PLS1: variants seen among roughly 807,000 people sequenced by gnomAD.
The protein encoded by PLS1 is plastin 1, also known as plastin-1.
PLS1 carries 32 observed loss-of-function variants against 73.7 expected under a neutral mutation model. That is an observed-to-expected ratio of 0.43 (90% CI 0.33 to 0.58). The LOEUF is 0.58. Ranked by LOEUF, PLS1 falls within the 20% of genes least tolerant of loss-of-function variation. The pLI, the probability that PLS1 is intolerant of heterozygous loss-of-function variation, is 0.04. For missense variants in PLS1, 633 were observed against 740.5 expected, an observed-to-expected ratio of 0.85 and a Z score of 1.68; for synonymous variants, 217 against 261.3, an observed-to-expected ratio of 0.83 and a Z score of 1.63.
At chr3:142,675,766 C>G (rs1038856416) in intron 4 of PLS1, among the ~76,000 whole-genome samples, 2 of 152,052 alleles carry the variant, frequency 1.3e-5, no homozygotes, top group African/African-American at 2.4e-5. Flanking sequence ...ACCTCCACCC[C>G]CCGGTTCAAG....
At chr3:142,664,851 A>G (rs1409474786) in intron 2 of PLS1, among the ~76,000 whole-genome samples, 5 of 152,046 alleles carry the variant, frequency 3.3e-5, no homozygotes. Context: ...TCTTTATGAC[A>G]TTATCATTTT....
intron 1 of PLS1, among the ~76,000 whole-genome samples, chr3:142,650,446 G>C (rs1174519989): frequency 6.6e-6 from 1 of 151,974 alleles, no homozygotes; most frequent in Non-Finnish European, 1.5e-5. Context: ...AGGCATGATG[G>C]CTGCAGCTGC....
At chr3:142,648,806 T>G (rs1381687681) in intron 1 of PLS1, among the ~76,000 whole-genome samples, 1 of 152,186 alleles carries the variant, frequency 6.6e-6, no homozygotes, top group Non-Finnish European at 1.5e-5. Context: ...CTTGTTCCCT[T>G]TGTGCTTTGA....
chr3:142,653,656 G>C (rs925542343), intron 1 of PLS1, among the ~76,000 whole-genome samples: 1 of 152,076 alleles, frequency 6.6e-6, no homozygotes, highest in Admixed American at 6.6e-5. Context: ...GAGCCACCAT[G>C]CCTGGCCCTA....
chr3:142,626,739 T>C (rs1350561009), intron 1 of PLS1, among the ~76,000 whole-genome samples: 1 of 152,188 alleles, frequency 6.6e-6, no homozygotes, highest in Non-Finnish European at 1.5e-5. Flanking sequence ...TGTTTTCTTA[T>C]GCTTATATGA....
chr3:142,700,793 A>G (rs1269857055), intron 12 of PLS1, among the ~76,000 whole-genome samples: 1 of 152,138 alleles, frequency 6.6e-6, no homozygotes, highest in Non-Finnish European at 1.5e-5. Context: ...TTGTACTCCC[A>G]TATTCCCATG....
intron 3 of PLS1, among the ~76,000 whole-genome samples, chr3:142,670,493 CCAAT>C (rs2037582258): frequency 6.6e-6 from 1 of 152,178 alleles, no homozygotes; most frequent in Admixed American, 6.5e-5. Flanking sequence ...AAAAAAAAAC[CCAAT>C]CACTTTGCTG....
chr3:142,602,754 T>A (rs2035950313), intron 1 of PLS1, among the ~76,000 whole-genome samples: 1 of 152,118 alleles, frequency 6.6e-6, no homozygotes, highest in East Asian at 1.9e-4. Context: ...CTGCCTGAGC[T>A]CTCTTTCCAT....
intron 11 of PLS1, among the ~76,000 whole-genome samples, chr3:142,694,885 T>C (rs1478274394): frequency 6.6e-6 from 1 of 152,222 alleles, no homozygotes; most frequent in Non-Finnish European, 1.5e-5. Context: ...TATGTCATTT[T>C]TCATTTATTT....
intron 4 of PLS1, 131 bp downstream of exon 4, chr3:142,671,253 A>G: frequency 1.3e-6 from 1 of 749,800 alleles, no homozygotes. Flanking sequence ...AGAAAAAAAT[A>G]CTGCAGACCA....
intron 1 of PLS1, among the ~76,000 whole-genome samples, chr3:142,649,864 T>C (rs1165228763): frequency 6.6e-6 from 1 of 152,162 alleles, no homozygotes; most frequent in Non-Finnish European, 1.5e-5. Context: ...ATGACCAAAG[T>C]AGTGCCTATT....
At chr3:142,648,544 T>A (rs1014784674) in intron 1 of PLS1, among the ~76,000 whole-genome samples, 2 of 152,216 alleles carry the variant, frequency 1.3e-5, no homozygotes, top group East Asian at 3.8e-4. Context: ...TGTGTGATTA[T>A]GAGTAGCAAT....
chr3:142,677,215 T>C (rs1186267763), intron 5 of PLS1, among the ~76,000 whole-genome samples: 1 of 152,222 alleles, frequency 6.6e-6, no homozygotes, highest in Non-Finnish European at 1.5e-5. Flanking sequence ...TGGCTTCGTA[T>C]CTTTCTGCAA....
At chr3:142,636,899 A>C (rs1455437783) in intron 1 of PLS1, among the ~76,000 whole-genome samples, 1 of 152,202 alleles carries the variant, frequency 6.6e-6, no homozygotes, top group Non-Finnish European at 1.5e-5. Flanking sequence ...CAAAATTAGA[A>C]AGATCGATCA....
intron 3 of PLS1, 90 bp from the exon 4 acceptor site, chr3:142,670,903 C>G: frequency 1.2e-6 from 1 of 827,048 alleles, no homozygotes; most frequent in Admixed American, 2.7e-5. Context: ...AATTTGGTGT[C>G]ATTTCAAATA....
In PLS1 at chr3:142,684,071, A is replaced by G; in HGVS notation, c.645A>G (p.Ala215=). The G allele has an allele frequency of 6.2e-7, 1 of 1,613,882 alleles. No homozygotes were observed. The highest frequency in any genetic ancestry group is 2.2e-5 in the East Asian group (1 of 44,878). ...AIGCTVVNIG[A]SDLKEGKPHL... is the part of the protein sequence containing the mutation. ...GTTGTACAGTGGTCAACATTGGTGC[A>G]TCAGATCTCAAAGAAGGAAAACCTC... Residue 215 remains alanine, a synonymous_variant, in exon 7 of 16, where the codon GCA becomes GCG. Transcript: ENST00000457734.
At chr3:142,650,977 C>T (rs2037075211) in intron 1 of PLS1, among the ~76,000 whole-genome samples, 1 of 151,962 alleles carries the variant, frequency 6.6e-6, no homozygotes, top group Admixed American at 6.6e-5. Flanking sequence ...CCTGCTGGCC[C>T]CTCATCTTTC....
At chr3:142,618,243 C>T (rs541031266) in intron 1 of PLS1, among the ~76,000 whole-genome samples, 12 of 152,126 alleles carry the variant, frequency 7.9e-5, no homozygotes, top group Admixed American at 5.2e-4. Context: ...TGATCTCTCC[C>T]CTCAAACAAA....
intron 12 of PLS1, among the ~76,000 whole-genome samples, chr3:142,701,363 T>C (rs1346740555): frequency 6.6e-6 from 1 of 152,252 alleles, no homozygotes; most frequent in Non-Finnish European, 1.5e-5. Context: ...TGCAGTATAC[T>C]GGTTGAGCAT....
Sources: gnomAD v4.1 joint callset for allele counts (sites outside exome capture counted in the v4.1 genomes callset) on GRCh38, gnomAD v4.1.1 for gene constraint, MANE v1.5 for transcripts, NCBI Gene and HGNC (gene_info 2026-07-23, HGNC 2026-07-21) for gene names.